The following GRK7 variants were observed in gnomAD, a reference collection of about 807,000 sequenced individuals.
The protein encoded by GRK7 is rhodopsin kinase GRK7.
GRK7 carries 24 observed loss-of-function variants against 34.1 expected under a neutral mutation model. The ratio of observed to expected loss-of-function variants is 0.70; its 90% CI spans 0.51 to 0.99. The LOEUF is 0.99. Ranked by LOEUF, GRK7 falls within the 50% of genes least tolerant of loss-of-function variation. GRK7 has a pLI of 0.00. For synonymous variants in GRK7, 256 were observed against 279.4 expected, an observed-to-expected ratio of 0.92 and a Z score of 0.84; for missense variants, 644 against 707.3, an observed-to-expected ratio of 0.91 and a Z score of 1.02.
Position 141,814,969 on chromosome 3 carries a change from G to T in GRK7, c.1326-1745G>T, listed in dbSNP as rs186531758. The stretch of plus-strand genomic sequence containing the variant: ...AGACGGAGTCTCTCTCTGTCACCCA[G>T]GCTGGAGTGCAGTGGCACAATCTTG... On this transcript the variant is annotated intron_variant, in intron 5 of 5. Coordinates refer to ENST00000682958, the MANE Select transcript of GRK7 (RefSeq NM_139209.3). Among the ~76,000 whole-genome samples, 721 of 142,680 alleles carry T rather than the reference G, an allele frequency of 5.1e-3. 4 individuals are homozygous for T. Among genetic ancestry groups the T allele is most frequent in the Admixed American group, 8.3e-3 (112 of 13,562 alleles). 93.6% of individuals were successfully genotyped at this position (142,680 alleles called of 152,430 possible). A position where few individuals can be genotyped will look rare whatever the true frequency, so the allele number is the denominator to read the frequency against.
intron 1 of GRK7, among the ~76,000 whole-genome samples, chr3:141,772,037 C>T (rs1329412805): frequency 4.6e-5 from 7 of 151,996 alleles, no homozygotes; most frequent in Non-Finnish European, 7.4e-5. Flanking sequence ...GAACAATCAA[C>T]AACTTGAAGC....
chr3:141,785,304 G>T (rs1432365892), intron 4 of GRK7, among the ~76,000 whole-genome samples: 1 of 152,190 alleles, frequency 6.6e-6, no homozygotes, highest in African/African-American at 2.4e-5. Flanking sequence ...CAGAATACCA[G>T]ATTTTGGTAT....
chr3:141,760,393 C>T (rs371945504), upstream of GRK7, among the ~76,000 whole-genome samples: 1 of 141,794 alleles, frequency 7.1e-6, no homozygotes, highest in Admixed American at 7.2e-5. Flanking sequence ...ATTCAGGAGC[C>T]GGTTGTTCAG....
chr3:141,817,011 G>A lies in GRK7; in HGVS notation c.1623G>A (p.Glu541=), dbSNP rs1559849915. 6.2e-7 allele frequency: 1 copy of A among 1,610,942 alleles called. No homozygotes were observed. Among genetic ancestry groups the A allele is most frequent in the African/African-American group, 1.3e-5 (1 of 74,960 alleles). ...CCAACAGACCTACGGGTTGTGAGGA[G>A]GGTAATTCATCCAAGTCTGGCGTGT... is the stretch of plus-strand genomic sequence containing the variant. The part of the protein sequence containing the change: ...NDPNRPTGCE[E]GNSSKSGVCL... Residue 541 remains glutamate, a synonymous_variant, in exon 6 of 6, where the codon GAG becomes GAA. Coordinates refer to ENST00000682958, the MANE Select transcript of GRK7 (RefSeq NM_139209.3).
At chr3:141,772,305 G>A in intron 1 of GRK7, among the ~76,000 whole-genome samples, 1 of 152,048 alleles carries the variant, frequency 6.6e-6, no homozygotes, top group East Asian at 1.9e-4. Flanking sequence ...ATATTGGCCA[G>A]GCTGGTCTCA....
chr3:141,808,603 C>A (rs1314069287), intron 5 of GRK7, among the ~76,000 whole-genome samples: 1 of 152,002 alleles, frequency 6.6e-6, no homozygotes, highest in Non-Finnish European at 1.5e-5. Context: ...ATCCCAACTA[C>A]TCGGGAGGCT....
At chr3:141,762,174 TGGA>T (rs1379517576), upstream of GRK7, among the ~76,000 whole-genome samples, 1 of 150,350 alleles carries the variant, frequency 6.7e-6, no homozygotes, top group East Asian at 1.9e-4. Context: ...TGCGTTCCTT[TGGA>T]GGAGGAGAGG....
At chr3:141,806,339 G>C (rs1346761864) in intron 4 of GRK7, among the ~76,000 whole-genome samples, 1 of 152,202 alleles carries the variant, frequency 6.6e-6, no homozygotes, top group South Asian at 2.1e-4. Context: ...GAGGCGGGAG[G>C]ATCACTTGAG....
At position 141,778,871 on chromosome 3, in the gene GRK7, T is replaced by C. The variant is rs55707760; in HGVS notation, c.587T>C (p.Val196Ala). The change falls in exon 3 of 6, where the codon GTG (valine) becomes GCG (alanine). Residue 196 changes from valine to alanine, a missense_variant. Val to Ala is a moderately conservative substitution (Grantham distance 64). Coordinates refer to ENST00000682958, the MANE Select transcript of GRK7 (RefSeq NM_139209.3). The surrounding 1 kb of genome is among the most constrained non-coding windows in gnomAD (Gnocchi z 4.1). ...GACAAGTACTTCACTGAGTTCAGAG[T>C]GCTGGGGAAAGGTGGTTTTGGGGAG... ...VSDKYFTEFR[V>A]LGKGGFGEVC... 1 of 1,611,582 alleles carries C rather than the reference T, an allele frequency of 6.2e-7. No individual in the cohort carries two copies. The highest frequency in any genetic ancestry group is 1.7e-4 in the Middle Eastern group (1 of 6,052).
chr3:141,778,221 G>T lies in GRK7; in HGVS notation c.-64G>T, dbSNP rs189817337. ...TTGGACGTTGTCTCACCCGGGAAGGGAAAGCAGCCAGCAGCCCTCCAGCCC... is the reference window on the plus strand; with the variant it reads ...TTGGACGTTGTCTCACCCGGGAAGGTAAAGCAGCCAGCAGCCCTCCAGCCC... On this transcript the variant is annotated 5_prime_UTR_variant, in exon 3 of 6. Transcript: ENST00000682958. This position sits in a 1 kb window ranked among gnomAD's most constrained non-coding sequence, Gnocchi z 4.1. 2.2e-5 allele frequency: 33 copies of T among 1,513,168 alleles called. No individual in the cohort carries two copies. The highest frequency in any genetic ancestry group is 2.9e-5 in the Non-Finnish European group (33 of 1,131,664). 93.7% of individuals were successfully genotyped at this position (1,513,168 alleles called of 1,614,324 possible). A position where few individuals can be genotyped will look rare whatever the true frequency, so the allele number is the denominator to read the frequency against.
chr3:141,804,260 G>A (rs1026844744), intron 4 of GRK7, among the ~76,000 whole-genome samples: 1 of 152,078 alleles, frequency 6.6e-6, no homozygotes, highest in Non-Finnish European at 1.5e-5. Flanking sequence ...GTTGTCTTTA[G>A]TCATCTGGGA....
chr3:141,755,558 CTAAA>C, the GRK7 span, among the ~76,000 whole-genome samples: 1 of 152,302 alleles, frequency 6.6e-6, no homozygotes, highest in African/African-American at 2.4e-5. Flanking sequence ...AAGAAGAAGT[CTAAA>C]TAGTCAGTTG....
rs1179174406 is a variant in GRK7, at chr3:141,780,654, CCCAGATAG to C, written c.896_903del (p.Gln299LeufsTer8). ...ATGAGCCGGGTGATCTTTTACTCGGCCCAGATAGCCTGTGGGATGCTGCACCTCCATGA... is the reference window on the plus strand; with the variant it reads ...ATGAGCCGGGTGATCTTTTACTCGGCCCTGTGGGATGCTGCACCTCCATGA... On this transcript the variant is annotated frameshift_variant, in exon 4 of 6. Transcript: ENST00000682958. LOFTEE classifies it high-confidence loss of function. 1.2e-6 allele frequency: 2 copies of C among 1,614,094 alleles called. No individual in the cohort carries two copies. Among genetic ancestry groups the C allele is most frequent in the African/African-American group, 2.7e-5 (2 of 74,928 alleles).
intron 4 of GRK7, among the ~76,000 whole-genome samples, chr3:141,792,978 C>T (rs1221112865): frequency 1.3e-5 from 2 of 152,124 alleles, no homozygotes; most frequent in East Asian, 3.8e-4. Context: ...TGGAGGCTTC[C>T]AGGAAGATGA....
In GRK7 at chr3:141,780,586, C is replaced by G; in HGVS notation, c.825C>G (p.Asp275Glu). 1.2e-6 allele frequency: 2 copies of G among 1,614,212 alleles called. No homozygotes were observed. The highest frequency in any genetic ancestry group is 1.1e-5 in the South Asian group (1 of 91,080). The change falls in exon 4 of 6, where the codon GAC becomes GAG. Residue 275 changes from aspartate (D) to glutamate (E), a missense_variant. Transcript: ENST00000682958. ...TCATGAGCCTGATGAATGGGGGAGA[C>G]CTCAAGTTCCACATCTACAACGTGG... is the stretch of plus-strand genomic sequence containing the variant. ...CLVMSLMNGGDLKFHIYNVGT... is the reference protein window; with the variant it reads ...CLVMSLMNGGELKFHIYNVGT...
At chr3:141,772,866 C>T (rs1447834674) in intron 1 of GRK7, among the ~76,000 whole-genome samples, 2 of 152,190 alleles carry the variant, frequency 1.3e-5, no homozygotes. Context: ...GGCGCAGTGG[C>T]TCATGCCTGT....
chr3:141,780,593 T>G lies in GRK7; in HGVS notation c.832T>G (p.Phe278Val), dbSNP rs1277137000. The G allele has an allele frequency of 6.2e-7, 1 of 1,614,194 alleles. No homozygotes were observed. Among genetic ancestry groups the G allele is most frequent in the Admixed American group, 1.7e-5 (1 of 60,022 alleles). ...CCTGATGAATGGGGGAGACCTCAAG[T>G]TCCACATCTACAACGTGGGCACGCG... The part of the protein sequence containing the change: ...MSLMNGGDLK[F>V]HIYNVGTRGL... The change falls in exon 4 of 6, where the codon TTC (phenylalanine) becomes GTC (valine). Residue 278 changes from phenylalanine (F) to valine (V), a missense_variant. Coordinates refer to ENST00000682958, the MANE Select transcript of GRK7 (RefSeq NM_139209.3).
intron 4 of GRK7, among the ~76,000 whole-genome samples, chr3:141,784,356 T>A (rs1270000272): frequency 6.6e-6 from 1 of 152,168 alleles, no homozygotes; most frequent in Non-Finnish European, 1.5e-5. Context: ...CACTTCAGGG[T>A]TTAGGCCACT....
intron 5 of GRK7, among the ~76,000 whole-genome samples, chr3:141,816,150 C>T (rs1054281059): frequency 2.0e-5 from 3 of 152,038 alleles, no homozygotes; most frequent in Non-Finnish European, 4.4e-5. Context: ...TAATCATAGT[C>T]TTGAGTACTA....
Sources: gnomAD v4.1 joint callset for allele counts (sites outside exome capture counted in the v4.1 genomes callset) on GRCh38, gnomAD v4.1.1 for gene constraint, Gnocchi (gnomAD v3.1) non-coding constraint, MANE v1.5 for transcripts, NCBI Gene and HGNC (gene_info 2026-07-23, HGNC 2026-07-21) for gene names.